COASY: variants seen among roughly 807,000 people sequenced by gnomAD.
COASY encodes the protein bifunctional coenzyme A synthase.
COASY carries 31 observed loss-of-function variants against 49.4 expected under a neutral mutation model. The ratio of observed to expected loss-of-function variants is 0.63; its 90% CI spans 0.47 to 0.85. COASY has a LOEUF of 0.85. Among genes scored for constraint, COASY ranks in the 40% least tolerant of loss-of-function variants. The pLI is 0.00. For missense variants in COASY, 730 were observed against 734.1 expected (o/e 0.99, Z 0.06); for synonymous variants, 285 against 310.9 (o/e 0.92, Z 0.88).
Position 42,562,684 on chromosome 17 carries a change from G to T in COASY, c.62G>T (p.Arg21Leu). 6.5e-7 allele frequency: 1 copy of T among 1,543,098 alleles called. No homozygotes were observed. The highest frequency in any genetic ancestry group is 8.7e-7 in the Non-Finnish European group (1 of 1,146,972). ...LTTPLASLAP[R>L]LASILTSAAR... Reference sequence around the variant, plus strand: ...ACGCCGCTGGCCTCCCTAGCCCCTCGCCTGGCCTCCATCCTGACCTCGGCG... The same window carrying T: ...ACGCCGCTGGCCTCCCTAGCCCCTCTCCTGGCCTCCATCCTGACCTCGGCG... The change falls in exon 1 of 9, where the codon CGC becomes CTC. Residue 21 changes from arginine (R) to leucine (L), a missense_variant. Physicochemically the swap from Arg to Leu is moderately radical, Grantham distance 102. Coordinates refer to ENST00000393818, the MANE Select transcript of COASY (RefSeq NM_025233.7).
chr17:42,562,335 G>A lies in COASY; in HGVS notation c.-288G>A. 1 of 1,399,998 alleles carries A rather than the reference G, an allele frequency of 7.1e-7. No individual in the cohort carries two copies. Among genetic ancestry groups the A allele is most frequent in the Non-Finnish European group, 1.0e-6 (1 of 991,808 alleles). The allele number at this position is 1,399,998 out of a possible 1,614,324, so 86.7% of individuals were successfully genotyped here. A position where few individuals can be genotyped will look rare whatever the true frequency, so the allele number is the denominator to read the frequency against. ...CCAGGATTTTTGGATCCCCAGCCCTGTGACAAGGGTTCCTGTCCAGTTTCC... is the reference window on the plus strand; with the variant it reads ...CCAGGATTTTTGGATCCCCAGCCCTATGACAAGGGTTCCTGTCCAGTTTCC... On this transcript the variant is annotated 5_prime_UTR_variant, in exon 1 of 9. In the 5' UTR this introduces an upstream ATG that the reference lacks. Coordinates refer to ENST00000393818, the MANE Select transcript of COASY (RefSeq NM_025233.7).
Position 42,564,078 on chromosome 17 carries a change from A to G in COASY, c.818A>G (p.Tyr273Cys), listed in dbSNP as rs755438696. 4 of 1,613,612 alleles carry G rather than the reference A, an allele frequency of 2.5e-6. No individual in the cohort carries two copies. The highest frequency in any genetic ancestry group is 2.7e-5 in the African/African-American group (2 of 74,804). ...TFDVIPLLDP[Y>C]GPAGSDPSLE... ...GATGTCATCCCCCTGCTGGACCCCT[A>G]TGGGCCCGCTGGCTCTGACCCCTCC... Residue 273 changes from tyrosine (Y) to cysteine (C), a missense_variant, in exon 2 of 9, where the codon TAT (tyrosine) becomes TGT (cysteine). Coordinates refer to ENST00000393818, the MANE Select transcript of COASY (RefSeq NM_025233.7).
chr17:42,564,896 C>G lies in COASY; in HGVS notation c.1235C>G (p.Thr412Arg). Residue 412 changes from threonine to arginine, a missense_variant and splice_region_variant, in exon 4 of 9, where the codon ACA (threonine) becomes AGA (arginine). By Grantham distance (71) the Thr-to-Arg change is moderately conservative (BLOSUM62 -1). Coordinates refer to ENST00000393818, the MANE Select transcript of COASY (RefSeq NM_025233.7). The stretch of plus-strand genomic sequence containing the variant: ...CAGCCTGTGGTGGAGGCCTTTGGAA[C>G]AGGTAATAACTGGGGAAGGCTGAAA... ...AYQPVVEAFG[T>R]DILHKDGIIN... The G allele has an allele frequency of 6.2e-7, 1 of 1,611,500 alleles. No homozygotes were observed. Among genetic ancestry groups the G allele is most frequent in the South Asian group, 1.1e-5 (1 of 90,886 alleles).
At position 42,565,292 on chromosome 17, in the gene COASY, G is replaced by A. The variant is rs1411290275; in HGVS notation, c.1368G>A (p.Met456Ile). 3 of 1,614,170 alleles carry A rather than the reference G, an allele frequency of 1.9e-6. No individual in the cohort carries two copies. Among genetic ancestry groups the A allele is most frequent in the African/African-American group, 2.7e-5 (2 of 75,056 alleles). The change falls in exon 6 of 9, where the codon ATG (methionine) becomes ATA (isoleucine). Residue 456 changes from methionine to isoleucine, a missense_variant. Transcript: ENST00000393818. ...TCGCAAAGCTGGCCCGAGAGGAGAT[G>A]GATCGGGCTGTGGCTGAGGGTGAGT... Reference protein sequence around the residue: ...PIIAKLAREEMDRAVAEGKRV... With the variant: ...PIIAKLAREEIDRAVAEGKRV...
intron 6 of COASY, 47 bp from the exon 7 acceptor site, chr17:42,565,424 C>G: frequency 6.2e-7 from 1 of 1,611,472 alleles, no homozygotes; most frequent in South Asian, 1.1e-5. Flanking sequence ...TGTGTTCTGC[C>G]TGGGAGAACG....
At chr17:42,564,619 C>T in intron 3 of COASY, 42 bp downstream of exon 3, 2 of 1,581,216 alleles carry the variant, frequency 1.3e-6, no homozygotes, top group South Asian at 1.2e-5. Flanking sequence ...GGTGTCCTGG[C>T]AATGCTGGAG....
Position 42,562,254 on chromosome 17 carries a change from C to T in COASY, c.-369C>T. The T allele has an allele frequency of 3.2e-6, 2 of 630,774 alleles. No homozygotes were observed. Among genetic ancestry groups the T allele is most frequent in the Non-Finnish European group, 5.5e-6 (2 of 362,626 alleles). The allele number at this position is 630,774 out of a possible 1,614,324, so 39.1% of individuals were successfully genotyped here. A position where few individuals can be genotyped will look rare whatever the true frequency, so the allele number is the denominator to read the frequency against. On this transcript the variant is annotated 5_prime_UTR_variant, in exon 1 of 9. Transcript: ENST00000393818. Reference sequence around the variant, plus strand: ...GGGCCGACGTGAGCTTTAGCGTCCCCCTTTAGCCTCCCTCTTCGATTCCTT... The same window carrying T: ...GGGCCGACGTGAGCTTTAGCGTCCCTCTTTAGCCTCCCTCTTCGATTCCTT...
chr17:42,562,850 C>T lies in COASY; in HGVS notation c.228C>T (p.Asp76=), dbSNP rs750805074. 8 of 1,613,278 alleles carry T rather than the reference C, an allele frequency of 5.0e-6. No individual in the cohort carries two copies. The African/African-American group carries it at 1.1e-4, about 22-fold the overall frequency. The change falls in exon 1 of 9, where the codon GAC becomes GAT. Residue 76 remains aspartate, a synonymous_variant. Coordinates refer to ENST00000393818, the MANE Select transcript of COASY (RefSeq NM_025233.7). The part of the protein sequence containing the change: ...DFITHLYAGA[D]VHRHLDVRIL... Reference sequence around the variant, plus strand: ...TCACGCACCTCTATGCTGGCGCCGACGTCCACAGGCACTTGGACGTCAGAA... The same window carrying T: ...TCACGCACCTCTATGCTGGCGCCGATGTCCACAGGCACTTGGACGTCAGAA...
At chr17:42,564,238 G>A (rs1314445799) in intron 2 of COASY, 63 bp downstream of exon 2, 1 of 1,538,912 alleles carries the variant, frequency 6.5e-7, no homozygotes, top group East Asian at 2.3e-5. Context: ...ATTTTGAGGG[G>A]GCTGTTGGAA....
Position 42,564,605 on chromosome 17 carries a change from G to T in COASY, c.1047+28G>T, listed in dbSNP as rs377630195. On this transcript the variant is annotated intron_variant, in intron 3 of 8. Coordinates refer to ENST00000393818, the MANE Select transcript of COASY (RefSeq NM_025233.7). ...AAGCTCCTCTCCCTCCTTCCCTCCT[G>T]CTTGGTGTCCTGGCAATGCTGGAGA... 1.1e-5 allele frequency: 18 copies of T among 1,591,614 alleles called. No homozygotes were observed. In the African/African-American group the frequency reaches 2.2e-4, roughly 19 times the overall value.
In COASY at chr17:42,564,700, T is replaced by C; in HGVS notation, c.1048-9T>C. The C allele has an allele frequency of 6.6e-7, 1 of 1,526,334 alleles. No homozygotes were observed. The highest frequency in any genetic ancestry group is 1.3e-5 in the South Asian group (1 of 75,346). The allele number at this position is 1,526,334 out of a possible 1,614,324, so 94.5% of individuals were successfully genotyped here. A position where few individuals can be genotyped will look rare whatever the true frequency, so the allele number is the denominator to read the frequency against. On this transcript the variant is annotated splice_polypyrimidine_tract_variant and intron_variant, in intron 3 of 8. Transcript: ENST00000393818. ...CAGTAACTGTGGGTTCCCTTTCACC[T>C]ATCCCCAGGAAAGGCCAGAGCTCCC...
At chr17:42,563,776 G>T in intron 1 of COASY, 185 bp from the exon 2 acceptor site, 1 of 588,768 alleles carries the variant, frequency 1.7e-6, no homozygotes, top group East Asian at 2.8e-5. Context: ...CCCTTGGAGT[G>T]ACTATTGTGC....
chr17:42,564,820 G>C lies in COASY; in HGVS notation c.1159G>C (p.Asp387His), dbSNP rs763727451. ...GAAGGGCCTGGGGGCGTTTGTCATT[G>C]ACAGTGACCACCTGGGTCATCGGGC... ...RLKGLGAFVI[D>H]SDHLGHRAYA... Residue 387 changes from aspartate to histidine, a missense_variant, in exon 4 of 9, where the codon GAC (aspartate) becomes CAC (histidine). Transcript: ENST00000393818. 1 of 1,563,614 alleles carries C rather than the reference G, an allele frequency of 6.4e-7. No individual in the cohort carries two copies. Among genetic ancestry groups the C allele is most frequent in the Admixed American group, 2.0e-5 (1 of 50,454 alleles).
rs2092994990 is a variant in COASY, at chr17:42,565,001, GCAT to G, written c.1262_1264del (p.Ile421del). 2.5e-6 allele frequency: 4 copies of G among 1,614,060 alleles called. No homozygotes were observed. The highest frequency in any genetic ancestry group is 1.3e-5 in the African/African-American group (1 of 74,920). On this transcript the variant is annotated inframe_deletion, in exon 5 of 9. Transcript: ENST00000393818. ...TGTCCAGATATTCTCCATAAAGATG[GCAT>G]CATCAACAGGAAGGTCCTAGGCAGC...
chr17:42,564,255 T>C (rs1312176351), intron 2 of COASY, 80 bp downstream of exon 2: 12 of 1,477,862 alleles, frequency 8.1e-6, no homozygotes, highest in Non-Finnish European at 1.0e-5. Flanking sequence ...GGAAGTACCA[T>C]GGCCCCAGAG....
Position 42,562,533 on chromosome 17 carries a change from GTC to G in COASY, c.-89_-88del. On this transcript the variant is annotated 5_prime_UTR_variant, in exon 1 of 9. Transcript: ENST00000393818. ...CCTGCTCCAGGCCTCCTTCTCTGGGGTCCAAGGTCCCATACAGGCCTCTGCCT... is the reference window on the plus strand; with the variant it reads ...CCTGCTCCAGGCCTCCTTCTCTGGGGCAAGGTCCCATACAGGCCTCTGCCT... The G allele has an allele frequency of 6.2e-7, 1 of 1,610,658 alleles. No homozygotes were observed. Among genetic ancestry groups the G allele is most frequent in the Non-Finnish European group, 8.5e-7 (1 of 1,178,954 alleles).
intron 5 of COASY, 85 bp downstream of exon 5, chr17:42,565,132 A>C: frequency 6.3e-7 from 1 of 1,587,678 alleles, no homozygotes; most frequent in Non-Finnish European, 8.6e-7. Context: ...CTGGCCCAGA[A>C]TGCCATTTCC....
Position 42,562,502 on chromosome 17 carries a change from C to G in COASY, c.-121C>G. 1.2e-6 allele frequency: 2 copies of G among 1,613,550 alleles called. No individual in the cohort carries two copies. The highest frequency in any genetic ancestry group is 1.7e-6 in the Non-Finnish European group (2 of 1,179,800). ...GGCTCCTGTCGGTCAGCACTGAAAC[C>G]CCGTCCCTGCTCCAGGCCTCCTTCT... On this transcript the variant is annotated 5_prime_UTR_variant, in exon 1 of 9. Transcript: ENST00000393818.
In COASY at chr17:42,562,528, CTG is replaced by C; in HGVS notation, c.-94_-93del. The C allele has an allele frequency of 6.2e-7, 1 of 1,611,896 alleles. No homozygotes were observed. The highest frequency in any genetic ancestry group is 8.5e-7 in the Non-Finnish European group (1 of 1,179,334). ...CCGTCCCTGCTCCAGGCCTCCTTCT[CTG>C]GGGTCCAAGGTCCCATACAGGCCTC... On this transcript the variant is annotated 5_prime_UTR_variant, in exon 1 of 9. Transcript: ENST00000393818.
Sources: gnomAD v4.1 joint callset for allele counts on GRCh38, gnomAD v4.1.1 for gene constraint, MANE v1.5 for transcripts, NCBI Gene and HGNC (gene_info 2026-07-23, HGNC 2026-07-21) for gene names.